Variants in JAKMIP1 observed in about 807,000 individuals in gnomAD.
JAKMIP1 encodes janus kinase and microtubule-interacting protein 1.
JAKMIP1 carries 33 observed loss-of-function variants against 113.0 expected under a neutral mutation model. That is an observed-to-expected ratio of 0.29 (90% CI 0.22 to 0.39). The LOEUF is 0.39. Ranked by LOEUF, JAKMIP1 falls within the 10% of genes least tolerant of loss-of-function variation. The pLI, the probability that JAKMIP1 is intolerant of heterozygous loss-of-function variation, is 1.00. For synonymous variants in JAKMIP1, 480 were observed against 459.9 expected (o/e 1.04, Z -0.56); for missense variants, 813 against 1,080.5 (o/e 0.75, Z 3.47).
intron 18 of JAKMIP1, among the ~76,000 whole-genome samples, chr4:6,038,076 A>G (rs1713780575): frequency 7.5e-6 from 1 of 134,094 alleles, no homozygotes; most frequent in South Asian, 2.5e-4. Flanking sequence ...ACCGAGGCAG[A>G]GGTTAACCCA....
At position 6,197,426 on chromosome 4, in the gene JAKMIP1, G is replaced by A. The variant is rs112107172; in HGVS notation, c.-148+2827C>T. On this transcript the variant is annotated intron_variant, in intron 1 of 20. Coordinates refer to ENST00000409021, the MANE Select transcript of JAKMIP1 (RefSeq NM_001099433.2). The surrounding 1 kb of genome is among the most constrained non-coding windows in gnomAD (Gnocchi z 6.5). ...TCACCATCATCACCCCTCATAAATC[G>A]GCTACCTTTGCTCAGAGACCACACC... 3.3e-5 allele frequency among the ~76,000 whole-genome samples: 5 copies of A among 152,186 alleles called. No homozygotes were observed. The highest frequency in any genetic ancestry group is 3.9e-4 in the East Asian group (2 of 5,184).
At chr4:6,082,592 G>A (rs968847375) in intron 5 of JAKMIP1, among the ~76,000 whole-genome samples, 2 of 151,818 alleles carry the variant, frequency 1.3e-5, no homozygotes, top group Non-Finnish European at 2.9e-5. Flanking sequence ...CAGCCTTGAC[G>A]TCCTGGCCTC....
intron 16 of JAKMIP1, among the ~76,000 whole-genome samples, chr4:6,043,732 CA>C (rs1714645797): frequency 1.3e-5 from 2 of 151,232 alleles, no homozygotes; most frequent in South Asian, 2.1e-4. Context: ...GAATCCTCCC[CA>C]CACACCCCAA....
rs1220927643 is a variant in JAKMIP1 at position 6,065,100 on chromosome 4, G to A, written c.1303-92C>T. On this transcript the variant is annotated intron_variant, in intron 8 of 20. Coordinates refer to ENST00000409021, the MANE Select transcript of JAKMIP1 (RefSeq NM_001099433.2). This position sits in a 1 kb window ranked among gnomAD's most constrained non-coding sequence, Gnocchi z 5.1. ...CGTGGGCATGCCAGTGCAGGGGGGT[G>A]ATGATTGACATTTGGGCCACTGGGG... 4.0e-6 allele frequency: 6 copies of A among 1,502,518 alleles called. No individual in the cohort carries two copies. Among genetic ancestry groups the A allele is most frequent in the African/African-American group, 1.4e-5 (1 of 72,822 alleles). 93.1% of individuals were successfully genotyped at this position (1,502,518 alleles called of 1,614,324 possible).
rs1399880484 is a variant in JAKMIP1, at chr4:6,031,461, G to A, written c.2380-1680C>T. ...ATGAGGAGGGGTGAGGTATCGTGCC[G>A]TGGGCTGGAGGAGACGTGGAACCCA... On this transcript the variant is annotated intron_variant, in intron 19 of 20. Transcript: ENST00000409021. This position sits in a 1 kb window ranked among gnomAD's most constrained non-coding sequence, Gnocchi z 4.4. Among the ~76,000 whole-genome samples, 3 of 152,244 alleles carry A rather than the reference G, an allele frequency of 2.0e-5. No individual in the cohort carries two copies. The highest frequency in any genetic ancestry group is 4.8e-5 in the African/African-American group (2 of 41,552).
chr4:6,043,413 G>A (rs1464437527), intron 16 of JAKMIP1, among the ~76,000 whole-genome samples: 1 of 151,910 alleles, frequency 6.6e-6, no homozygotes, highest in East Asian at 1.9e-4. Context: ...CTGGAGCCCT[G>A]CCCTCGGCCT....
At chr4:6,074,631 T>G (rs1473534328) in intron 8 of JAKMIP1, among the ~76,000 whole-genome samples, 1 of 152,206 alleles carries the variant, frequency 6.6e-6, no homozygotes, top group African/African-American at 2.4e-5. Context: ...GTGTAGTGCT[T>G]GCATATAACC....
At chr4:6,182,644 G>A (rs947929103) in intron 1 of JAKMIP1, among the ~76,000 whole-genome samples, 5 of 152,124 alleles carry the variant, frequency 3.3e-5, no homozygotes, top group African/African-American at 1.2e-4. Flanking sequence ...CAGCCCCTCT[G>A]TCTATGGTAT....
chr4:6,092,418 C>T (rs1056570818), intron 3 of JAKMIP1, among the ~76,000 whole-genome samples: 5 of 152,366 alleles, frequency 3.3e-5, no homozygotes, highest in African/African-American at 1.2e-4. Context: ...ACTGGAGCAC[C>T]ACCCACCTGC....
At chr4:6,047,758 C>A (rs919116515) in intron 16 of JAKMIP1, among the ~76,000 whole-genome samples, 1 of 152,222 alleles carries the variant, frequency 6.6e-6, no homozygotes, top group Non-Finnish European at 1.5e-5. Flanking sequence ...ATCATTAAGA[C>A]CTCATCACTG....
intron 1 of JAKMIP1, among the ~76,000 whole-genome samples, chr4:6,125,275 C>A (rs1019494726): frequency 6.6e-6 from 1 of 152,086 alleles, no homozygotes; most frequent in Admixed American, 6.5e-5. Flanking sequence ...CGGGAGCACC[C>A]CCACCCGGGC....
At chr4:6,128,304 C>T (rs1718025330) in intron 1 of JAKMIP1, among the ~76,000 whole-genome samples, 1 of 152,144 alleles carries the variant, frequency 6.6e-6, no homozygotes, top group African/African-American at 2.4e-5. Flanking sequence ...CTATCAGAGC[C>T]CCACAAGTGG....
Position 6,157,801 on chromosome 4 carries a change from C to T in JAKMIP1, c.-148+42452G>A, listed in dbSNP as rs950770607. 1.3e-5 allele frequency among the ~76,000 whole-genome samples: 2 copies of T among 152,132 alleles called. No individual in the cohort carries two copies. Among genetic ancestry groups the T allele is most frequent in the Non-Finnish European group, 2.9e-5 (2 of 68,028 alleles). The stretch of plus-strand genomic sequence containing the variant: ...ACCCAGTAGGGTGTGAGTGAGGGAC[C>T]GTAGAGTCGAGAATTCTGATGAAAA... On this transcript the variant is annotated intron_variant, in intron 1 of 20. Coordinates refer to ENST00000409021, the MANE Select transcript of JAKMIP1 (RefSeq NM_001099433.2). The surrounding 1 kb of genome is among the most constrained non-coding windows in gnomAD (Gnocchi z 4.7).
Position 6,042,253 on chromosome 4 carries a change from G to A in JAKMIP1, c.2029-26C>T, listed in dbSNP as rs746425564. 23 of 1,590,714 alleles carry A rather than the reference G, an allele frequency of 1.4e-5. No homozygotes were observed. In the Admixed American group the frequency reaches 2.0e-4, roughly 14 times the overall value. On this transcript the variant is annotated intron_variant, in intron 16 of 20. Coordinates refer to ENST00000409021, the MANE Select transcript of JAKMIP1 (RefSeq NM_001099433.2). The surrounding 1 kb of genome is among the most constrained non-coding windows in gnomAD (Gnocchi z 5.2). Reference sequence around the variant, plus strand: ...CTAGAAAACAGCAGGGACAGGACGGGTGCAGCAAAGTGAGAGTCAGAACCC... The same window carrying A: ...CTAGAAAACAGCAGGGACAGGACGGATGCAGCAAAGTGAGAGTCAGAACCC...
At chr4:6,161,500 C>T (rs1722954145) in intron 1 of JAKMIP1, among the ~76,000 whole-genome samples, 1 of 151,924 alleles carries the variant, frequency 6.6e-6, no homozygotes. Context: ...AAGACTCTGA[C>T]CAAGAAGTTA....
intron 11 of JAKMIP1, among the ~76,000 whole-genome samples, chr4:6,060,213 C>T (rs938857904): frequency 2.0e-5 from 3 of 152,182 alleles, no homozygotes; most frequent in African/African-American, 7.2e-5. Flanking sequence ...GTTAGAATGC[C>T]ATACCTTGTT....
rs1425481703 is a variant in JAKMIP1 at position 6,137,895 on chromosome 4, T to C, written c.-147-24898A>G. Among the ~76,000 whole-genome samples, 2 of 152,220 alleles carry C rather than the reference T, an allele frequency of 1.3e-5. No homozygotes were observed. Among genetic ancestry groups the C allele is most frequent in the African/African-American group, 4.8e-5 (2 of 41,456 alleles). On this transcript the variant is annotated intron_variant, in intron 1 of 20. Coordinates refer to ENST00000409021, the MANE Select transcript of JAKMIP1 (RefSeq NM_001099433.2). This position sits in a 1 kb window ranked among gnomAD's most constrained non-coding sequence, Gnocchi z 4.5. ...AACCATGGCCTTCTCCTTCCTGGCA[T>C]GGGCCTGGCAGACAAGGTGTGCTCT...
rs538435580 is a variant in JAKMIP1, at chr4:6,065,892, G to A, written c.1303-884C>T. Among the ~76,000 whole-genome samples, 2 of 152,324 alleles carry A rather than the reference G, an allele frequency of 1.3e-5. No homozygotes were observed. The highest frequency in any genetic ancestry group is 4.8e-5 in the African/African-American group (2 of 41,576). On this transcript the variant is annotated intron_variant, in intron 8 of 20. Coordinates refer to ENST00000409021, the MANE Select transcript of JAKMIP1 (RefSeq NM_001099433.2). The surrounding 1 kb of genome is among the most constrained non-coding windows in gnomAD (Gnocchi z 5.1). ...GGGGAATACAATAGGATCATAACCAGGCCAGGTCCCTGCCCCAAGGAGCTT... is the reference window on the plus strand; with the variant it reads ...GGGGAATACAATAGGATCATAACCAAGCCAGGTCCCTGCCCCAAGGAGCTT...
In JAKMIP1 at chr4:6,080,296, G is replaced by A. The variant is rs561070317; in HGVS notation, c.1118C>T (p.Ala373Val). ...ENVEMKEKLS[A>V]QASLKRHTSL... ...GGTATGCCGCTTCAGAGACGCCTGC[G>A]CTGACAGCTTTTCTTTCTGCAGCCA... Residue 373 changes from alanine (A) to valine (V), a missense_variant, in exon 7 of 21, where the codon GCG becomes GTG. Physicochemically the swap from Ala to Val is moderately conservative, Grantham distance 64. Transcript: ENST00000409021. The surrounding 1 kb of genome is among the most constrained non-coding windows in gnomAD (Gnocchi z 6.0). The A allele has an allele frequency of 2.2e-5, 35 of 1,613,958 alleles. No individual in the cohort carries two copies. Among genetic ancestry groups the A allele is most frequent in the Admixed American group, 3.3e-5 (2 of 59,990 alleles).
Sources: gnomAD v4.1 joint callset for allele counts (sites outside exome capture counted in the v4.1 genomes callset) on GRCh38, gnomAD v4.1.1 for gene constraint, Gnocchi (gnomAD v3.1) non-coding constraint, MANE v1.5 for transcripts, NCBI Gene and HGNC (gene_info 2026-07-23, HGNC 2026-07-21) for gene names.